Variants in KIAA0513 observed in about 807,000 individuals in gnomAD.
KIAA0513 encodes the protein uncharacterized protein KIAA0513.
A neutral mutation model predicts 56.5 loss-of-function variants in KIAA0513; 39 were observed. That is an observed-to-expected ratio of 0.69 (90% CI 0.53 to 0.90). The LOEUF is 0.90. KIAA0513 is among the 40% of genes least tolerant of loss of function. The probability of loss-of-function intolerance (pLI) is 0.00; values close to 1 mark genes in which losing one functional copy is unlikely to be tolerated. For missense variants in KIAA0513, 591 were observed against 535.2 expected (o/e 1.10, Z -1.03); for synonymous variants, 268 against 215.6 (o/e 1.24, Z -2.13).
In KIAA0513 at chr16:85,088,394, G is replaced by T. The variant is rs1487464123; in HGVS notation, c.*69G>T. 7 of 1,392,186 alleles carry T rather than the reference G, an allele frequency of 5.0e-6. No individual in the cohort carries two copies. Among genetic ancestry groups the T allele is most frequent in the South Asian group, 4.6e-5 (4 of 86,304 alleles). 86.2% of individuals were successfully genotyped at this position (1,392,186 alleles called of 1,614,324 possible). A position where few individuals can be genotyped will look rare whatever the true frequency, so the allele number is the denominator to read the frequency against. On this transcript the variant is annotated 3_prime_UTR_variant, in exon 13 of 13. Transcript: ENST00000683363. ...ATTCTCCCGGGCCCAGCGCCCGGCC[G>T]TCACCCCACCCGATGACCTGCATGA... is the stretch of plus-strand genomic sequence containing the variant.
At chr16:85,080,279 A>G (rs1017404095) in intron 8 of KIAA0513, among the ~76,000 whole-genome samples, 1 of 152,156 alleles carries the variant, frequency 6.6e-6, no homozygotes, top group Non-Finnish European at 1.5e-5. Context: ...TCACTTGGCA[A>G]ACTTTTCTGT....
intron 1 of KIAA0513, among the ~76,000 whole-genome samples, chr16:85,055,670 A>G (rs2073318339): frequency 1.3e-5 from 2 of 152,118 alleles, no homozygotes; most frequent in South Asian, 4.1e-4. Context: ...ACCTACTGAC[A>G]TGGATATCTT....
intron 1 of KIAA0513, among the ~76,000 whole-genome samples, chr16:85,056,661 G>A (rs1048833414): frequency 7.2e-5 from 11 of 152,206 alleles, no homozygotes; most frequent in African/African-American, 1.7e-4. Context: ...CACTGGTTAC[G>A]GTGCTGGCCC....
At chr16:85,086,939 G>T in intron 11 of KIAA0513, 133 bp from the exon 12 acceptor site, 1 of 900,592 alleles carries the variant, frequency 1.1e-6, no homozygotes, top group Non-Finnish European at 1.7e-6. Context: ...TGGCTAATTA[G>T]GCAGCAGTGC....
chr16:85,049,787 A>G (rs187360093), intron 1 of KIAA0513, among the ~76,000 whole-genome samples: 207 of 152,236 alleles, frequency 1.4e-3, no homozygotes, highest in Non-Finnish European at 2.4e-3. Flanking sequence ...AGTCTCGGGT[A>G]TTTCGTTATA....
At chr16:85,047,234 G>A (rs149171115) in intron 1 of KIAA0513, among the ~76,000 whole-genome samples, 145 of 152,202 alleles carry the variant, frequency 9.5e-4, no homozygotes, top group African/African-American at 3.3e-3. Flanking sequence ...GGCATGCTCC[G>A]TCCTAACCTT....
intron 10 of KIAA0513, among the ~76,000 whole-genome samples, chr16:85,086,307 G>A (rs1004255913): frequency 2.0e-4 from 31 of 152,242 alleles, no homozygotes; most frequent in East Asian, 7.7e-4. Context: ...CTCTCCAACC[G>A]TAGTAAGGCT....
rs543419739 is a variant in KIAA0513, at chr16:85,076,745, G to A, written c.575-680G>A. ...GCAGGCCCTTCCTGCCAGGCCACAC[G>A]TCGGCTGCTTTGGGTGGGGTAGGAA... On this transcript the variant is annotated intron_variant, in intron 5 of 12. Coordinates refer to ENST00000683363, the MANE Select transcript of KIAA0513 (RefSeq NM_001388359.1). The surrounding 1 kb of genome is among the most constrained non-coding windows in gnomAD (Gnocchi z 4.7). Among the ~76,000 whole-genome samples, 1 of 152,184 alleles carries A rather than the reference G, an allele frequency of 6.6e-6. No individual in the cohort carries two copies. Among genetic ancestry groups the A allele is most frequent in the Non-Finnish European group, 1.5e-5 (1 of 68,032 alleles).
At chr16:85,032,003 A>T (rs937659490) in intron 1 of KIAA0513, among the ~76,000 whole-genome samples, 10 of 152,206 alleles carry the variant, frequency 6.6e-5, no homozygotes, top group African/African-American at 2.4e-4. Context: ...GAGTGCTCTC[A>T]CAAAGAACCA....
At chr16:85,069,257 C>T (rs529688788) in intron 2 of KIAA0513, among the ~76,000 whole-genome samples, 169 of 151,352 alleles carry the variant, frequency 1.1e-3, no homozygotes, top group African/African-American at 4.0e-3. Context: ...GTCACCCAGG[C>T]TTGAGTGCAG....
chr16:85,067,450 G>C, intron 2 of KIAA0513, 50 bp downstream of exon 2: 1 of 1,433,668 alleles, frequency 7.0e-7, no homozygotes, highest in South Asian at 1.3e-5. Flanking sequence ...CAGGGCCCAA[G>C]GGGACTCGCC....
In KIAA0513 at chr16:85,076,596, C is replaced by G. The variant is rs943256201; in HGVS notation, c.574+682C>G. 3.3e-5 allele frequency among the ~76,000 whole-genome samples: 5 copies of G among 152,120 alleles called. No individual in the cohort carries two copies. The highest frequency in any genetic ancestry group is 9.7e-5 in the African/African-American group (4 of 41,414). ...GCCCTGGTCCCCCGTGCTTTCCTCT[C>G]TCGGGACCCGCGTGCTCACTCTTGG... On this transcript the variant is annotated intron_variant, in intron 5 of 12. Coordinates refer to ENST00000683363, the MANE Select transcript of KIAA0513 (RefSeq NM_001388359.1). This position sits in a 1 kb window ranked among gnomAD's most constrained non-coding sequence, Gnocchi z 4.7.
chr16:85,085,897 G>A (rs551617583), intron 10 of KIAA0513, among the ~76,000 whole-genome samples: 45 of 152,320 alleles, frequency 3.0e-4, no homozygotes, highest in African/African-American at 1.0e-3. Flanking sequence ...TTGTTCTCAC[G>A]CCTGGGTGCT....
intron 11 of KIAA0513, 134 bp downstream of exon 11, chr16:85,086,858 A>G (rs770928291): frequency 3.5e-5 from 31 of 896,538 alleles, no homozygotes; most frequent in Non-Finnish European, 5.0e-5. Context: ...CTTGGCCTCC[A>G]TGCCAGCTCA....
chr16:85,072,858 G>A (rs1258989229), intron 3 of KIAA0513, 67 bp from the exon 4 acceptor site: 2 of 1,467,802 alleles, frequency 1.4e-6, no homozygotes, highest in Non-Finnish European at 9.5e-7. Context: ...TGCAAAGCCT[G>A]CAGCTTCACT....
intron 1 of KIAA0513, among the ~76,000 whole-genome samples, chr16:85,040,130 G>A (rs558117484): frequency 3.9e-5 from 6 of 152,262 alleles, no homozygotes; most frequent in South Asian, 2.1e-4. Context: ...CACCGTGCCC[G>A]GCCAGAGAAG....
intron 1 of KIAA0513, among the ~76,000 whole-genome samples, chr16:85,050,035 C>T (rs564752527): frequency 7.6e-4 from 116 of 152,298 alleles, no homozygotes; most frequent in Non-Finnish European, 1.5e-3. Flanking sequence ...CAGCCCGTCA[C>T]CCAGGGAGGG....
In KIAA0513 at chr16:85,056,074, C is replaced by T. The variant is rs367752695; in HGVS notation, c.-172-10826C>T. ...GTGCCTGTGGTTCAGCCCAGACCCC[C>T]CTGAAAGCCACAGCCAGCAGTTTCT... On this transcript the variant is annotated intron_variant, in intron 1 of 12. Transcript: ENST00000683363. Among the ~76,000 whole-genome samples, 53 of 152,372 alleles carry T rather than the reference C, an allele frequency of 3.5e-4. 1 individual carries two copies. The South Asian group carries it at 0.01, about 30-fold the overall frequency.
chr16:85,090,550 CTT>C lies in KIAA0513; in HGVS notation c.*2230_*2231del, dbSNP rs1383281121. ...TTTAACTTCAGAAATGGTCTTGACACTTTTTTCTCCACATAGACTCTTGAAAT... is the reference window on the plus strand; with the variant it reads ...TTTAACTTCAGAAATGGTCTTGACACTTTTCTCCACATAGACTCTTGAAAT... On this transcript the variant is annotated 3_prime_UTR_variant, in exon 13 of 13. Coordinates refer to ENST00000683363, the MANE Select transcript of KIAA0513 (RefSeq NM_001388359.1). The C allele has an allele frequency of 6.6e-6, 1 of 152,204 alleles. No individual in the cohort carries two copies. The highest frequency in any genetic ancestry group is 1.5e-5 in the Non-Finnish European group (1 of 68,030). 9.4% of individuals were successfully genotyped at this position (152,204 alleles called of 1,614,324 possible).
Sources: allele counts gnomAD v4.1 joint callset (sites outside exome capture counted in the v4.1 genomes callset), GRCh38; gene constraint gnomAD v4.1.1; non-coding constraint Gnocchi (gnomAD v3.1); transcripts MANE v1.5; gene names NCBI Gene and HGNC (gene_info 2026-07-23, HGNC 2026-07-21).